DNAAF9: variants seen among roughly 807,000 people sequenced by gnomAD.
The protein encoded by DNAAF9 is dynein axonemal assembly factor 9.
DNAAF9 carries 90 observed loss-of-function variants against 167.0 expected under a neutral mutation model. That is an observed-to-expected ratio of 0.54 (90% CI 0.45 to 0.64). The LOEUF (loss-of-function observed/expected upper bound fraction) is 0.64. DNAAF9 is among the 30% of genes least tolerant of loss of function. DNAAF9 has a pLI of 0.00. For missense variants in DNAAF9, 1,315 were observed against 1,442.2 expected (o/e 0.91, Z 1.43); for synonymous variants, 491 against 508.8 (o/e 0.96, Z 0.47).
At chr20:3,392,926 G>A (rs891624542) in intron 1 of DNAAF9, among the ~76,000 whole-genome samples, 3 of 152,162 alleles carry the variant, frequency 2.0e-5, no homozygotes, top group African/African-American at 4.8e-5. Context: ...GAAAACTGAC[G>A]TGAACAATTT....
chr20:3,306,774 A>T, intron 20 of DNAAF9: 2 of 305,226 alleles, frequency 6.6e-6, no homozygotes, highest in Non-Finnish European at 9.6e-6. Flanking sequence ...TAGCCTGTTC[A>T]CTGCTGTCTC....
In DNAAF9 at chr20:3,252,247, T is replaced by C; in HGVS notation, c.*325A>G. ...CAGTAGCTCCTCTGTGTAATCCTAATGCTTCTCCCCAACCTCAAGAGCCCA... is the reference window on the plus strand; with the variant it reads ...CAGTAGCTCCTCTGTGTAATCCTAACGCTTCTCCCCAACCTCAAGAGCCCA... On this transcript the variant is annotated 3_prime_UTR_variant, in exon 37 of 37. Coordinates refer to ENST00000252032, the MANE Select transcript of DNAAF9 (RefSeq NM_001009984.3). The C allele has an allele frequency of 4.6e-6, 1 of 217,166 alleles. No individual in the cohort carries two copies. Among genetic ancestry groups the C allele is most frequent in the South Asian group, 8.1e-5 (1 of 12,290 alleles). 13.5% of individuals were successfully genotyped at this position (217,166 alleles called of 1,614,324 possible).
At chr20:3,369,387 T>C (rs1208330677) in intron 6 of DNAAF9, among the ~76,000 whole-genome samples, 3 of 152,230 alleles carry the variant, frequency 2.0e-5, no homozygotes, top group African/African-American at 7.2e-5. Context: ...TAACTTTTTT[T>C]TTTTTTTCAG....
In DNAAF9 at chr20:3,385,832, T is replaced by G. The variant is rs142452518; in HGVS notation, c.84-3326A>C. ...TTACATGTTAAAAACTACAAAACAC[T>G]GATTAAAGAAATTAAAGAAGATCTA... On this transcript the variant is annotated intron_variant, in intron 1 of 36. Transcript: ENST00000252032. Among the ~76,000 whole-genome samples the G allele has an allele frequency of 2.8e-4, 43 of 152,258 alleles. 1 individual carries two copies. In the East Asian group the frequency reaches 8.1e-3, roughly 29 times the overall value.
chr20:3,331,945 A>T (rs2069837393), intron 11 of DNAAF9, among the ~76,000 whole-genome samples: 1 of 152,204 alleles, frequency 6.6e-6, no homozygotes. Flanking sequence ...AAGTGCTGGG[A>T]TTACAGGCGT....
intron 1 of DNAAF9, among the ~76,000 whole-genome samples, chr20:3,390,268 C>T (rs1272575475): frequency 6.6e-6 from 1 of 151,174 alleles, no homozygotes; most frequent in African/African-American, 2.4e-5. Flanking sequence ...TAAAAGAAGA[C>T]AGATTGAGAA....
intron 23 of DNAAF9, chr20:3,296,583 C>T: frequency 2.5e-6 from 1 of 402,022 alleles, no homozygotes; most frequent in Non-Finnish European, 4.5e-6. Context: ...CACTATGTTG[C>T]CCAGGCAGGC....
intron 5 of DNAAF9, among the ~76,000 whole-genome samples, chr20:3,374,673 CAT>C (rs2083551903): frequency 6.6e-6 from 1 of 152,200 alleles, no homozygotes. Context: ...CATTTAAAAA[CAT>C]GTCAGCATAT....
At chr20:3,397,550 C>T (rs1471686854) in intron 1 of DNAAF9, among the ~76,000 whole-genome samples, 2 of 152,126 alleles carry the variant, frequency 1.3e-5, no homozygotes, top group Non-Finnish European at 2.9e-5. Flanking sequence ...GATCTCCTGA[C>T]CTCGTGATCT....
rs745473925 is a variant in DNAAF9, at chr20:3,332,403, T to G, written c.982-42A>C. ...AATAAAAATAAAAAGGGGCAATAAC[T>G]TAGGCATGTACTAGTAGATAAACAA... On this transcript the variant is annotated intron_variant, in intron 10 of 36. Coordinates refer to ENST00000252032, the MANE Select transcript of DNAAF9 (RefSeq NM_001009984.3). 9 of 1,040,460 alleles carry G rather than the reference T, an allele frequency of 8.7e-6. No homozygotes were observed. The Admixed American group carries it at 1.6e-4, about 18-fold the overall frequency. The allele number at this position is 1,040,460 out of a possible 1,614,324, so 64.5% of individuals were successfully genotyped here.
intron 7 of DNAAF9, among the ~76,000 whole-genome samples, chr20:3,357,784 T>C (rs984230091): frequency 2.6e-5 from 4 of 151,872 alleles, no homozygotes; most frequent in Non-Finnish European, 4.4e-5. Context: ...TTGCAACCTC[T>C]GCCTCCCGGG....
At chr20:3,259,351 G>A (rs1239739589) in intron 33 of DNAAF9, 129 bp downstream of exon 33, 2 of 725,220 alleles carry the variant, frequency 2.8e-6, no homozygotes, top group African/African-American at 3.4e-5. Context: ...GAAGGCCCAG[G>A]GTGGGGAAGG....
At chr20:3,331,995 C>T (rs1035827839) in intron 11 of DNAAF9, among the ~76,000 whole-genome samples, 2 of 152,196 alleles carry the variant, frequency 1.3e-5, no homozygotes, top group African/African-American at 4.8e-5. Context: ...CTTTCTTAAA[C>T]TAGGTCTTAT....
chr20:3,269,815 G>C (rs886696038), intron 30 of DNAAF9, among the ~76,000 whole-genome samples: 10 of 152,016 alleles, frequency 6.6e-5, no homozygotes, highest in Admixed American at 6.5e-4. Context: ...AAAATTAGCC[G>C]GGCGTGGTGG....
At chr20:3,300,962 T>C (rs1308356921) in intron 21 of DNAAF9, among the ~76,000 whole-genome samples, 1 of 150,934 alleles carries the variant, frequency 6.6e-6, no homozygotes, top group Non-Finnish European at 1.5e-5. Flanking sequence ...AAAAAATTAA[T>C]AGAAAGTCCC....
chr20:3,279,368 T>C (rs1239320878), intron 28 of DNAAF9, among the ~76,000 whole-genome samples: 1 of 152,250 alleles, frequency 6.6e-6, no homozygotes, highest in East Asian at 1.9e-4. Flanking sequence ...TTTATGTACA[T>C]GCTATAACCT....
chr20:3,259,293 C>T (rs1300743105), intron 33 of DNAAF9, among the ~76,000 whole-genome samples, 187 bp downstream of exon 33: 2 of 152,216 alleles, frequency 1.3e-5, no homozygotes, highest in East Asian at 3.8e-4. Flanking sequence ...AGGACCCAGA[C>T]TAAGTAGGCC....
intron 1 of DNAAF9, among the ~76,000 whole-genome samples, chr20:3,400,086 C>G (rs1265082349): frequency 6.6e-6 from 1 of 152,208 alleles, no homozygotes; most frequent in Non-Finnish European, 1.5e-5. Context: ...CCAGTGTATA[C>G]AACACTTTAT....
Position 3,322,662 on chromosome 20 carries a change from T to C in DNAAF9, c.1300A>G (p.Asn434Asp). Residue 434 changes from asparagine to aspartate, a missense_variant, in exon 15 of 37, where the codon AAT (asparagine) becomes GAT (aspartate). Asn to Asp is a conservative substitution (Grantham distance 23, BLOSUM62 1). Around this residue, in one of 2 missense-constraint regions of DNAAF9, gnomAD observed 981 missense variants for 1,012.5 expected, o/e 0.97. Transcript: ENST00000252032. The stretch of plus-strand genomic sequence containing the variant: ...CAATCATATACGCACCTTCCCTGAT[T>C]ATTCACAGCATGTATATGAAAAGTC... ...KMTFHIHAVNNQGRIVPLDSE... is the reference protein window; with the variant it reads ...KMTFHIHAVNDQGRIVPLDSE... 6.2e-7 allele frequency: 1 copy of C among 1,612,714 alleles called. No individual in the cohort carries two copies. Among genetic ancestry groups the C allele is most frequent in the East Asian group, 2.2e-5 (1 of 44,866 alleles).
Sources: allele counts gnomAD v4.1 joint callset (sites outside exome capture counted in the v4.1 genomes callset), GRCh38; gene constraint gnomAD v4.1.1; regional missense constraint gnomAD v4.1.1; transcripts MANE v1.5; gene names NCBI Gene and HGNC (gene_info 2026-07-23, HGNC 2026-07-21).